Variants in IQGAP2 observed in about 807,000 individuals in gnomAD.
The protein encoded by IQGAP2 is IQ motif containing GTPase activating protein 2, also known as ras GTPase-activating-like protein IQGAP2.
IQGAP2 carries 173 observed loss-of-function variants against 201.3 expected under a neutral mutation model. The observed-to-expected ratio is 0.86, with a 90% CI of 0.76 to 0.98. IQGAP2 has a LOEUF of 0.98. Ranked by LOEUF, IQGAP2 falls within the 50% of genes least tolerant of loss-of-function variation. IQGAP2 has a pLI of 0.00. For missense variants in IQGAP2, 1,687 were observed against 1,864.8 expected (o/e 0.90, Z 1.76); for synonymous variants, 675 against 673.9 (o/e 1.00, Z -0.03).
intron 31 of IQGAP2, among the ~76,000 whole-genome samples, chr5:76,694,728 C>T (rs1264670785): frequency 6.6e-6 from 1 of 152,204 alleles, no homozygotes; most frequent in Non-Finnish European, 1.5e-5. Context: ...TCTAAGATTA[C>T]TGTCCCTAAC....
At chr5:76,516,802 A>G (rs544632214) in intron 2 of IQGAP2, among the ~76,000 whole-genome samples, 1 of 152,370 alleles carries the variant, frequency 6.6e-6, no homozygotes, top group East Asian at 1.9e-4. Flanking sequence ...CTTCACAGAG[A>G]AGAAAGGTAT....
chr5:76,680,171 G>A (rs1580803463), intron 28 of IQGAP2, among the ~76,000 whole-genome samples: 1 of 152,192 alleles, frequency 6.6e-6, no homozygotes, highest in Non-Finnish European at 1.5e-5. Flanking sequence ...GGATAGAATC[G>A]AGAGTCTAGA....
At chr5:76,690,355 C>T (rs1451390915) in intron 30 of IQGAP2, among the ~76,000 whole-genome samples, 3 of 152,160 alleles carry the variant, frequency 2.0e-5, no homozygotes, top group African/African-American at 7.2e-5. Context: ...CTTGGCATTT[C>T]TCTATAGGTT....
At chr5:76,584,759 GCGGATCTGCAGTGAATGACCAA>G (rs905848188) in intron 5 of IQGAP2, among the ~76,000 whole-genome samples, 12 of 152,250 alleles carry the variant, frequency 7.9e-5, no homozygotes, top group African/African-American at 2.9e-4. Context: ...CTCCTGACAT[GCGGATCTGCAGTGAATGACCAA>G]CAAACAGCAA....
chr5:76,532,758 C>G (rs900169578), intron 2 of IQGAP2, among the ~76,000 whole-genome samples: 1 of 152,160 alleles, frequency 6.6e-6, no homozygotes, highest in African/African-American at 2.4e-5. Context: ...AGGACCACTC[C>G]GTGCCCTTGG....
At chr5:76,655,067 C>A in intron 20 of IQGAP2, 64 bp downstream of exon 20, 2 of 1,145,184 alleles carry the variant, frequency 1.7e-6, no homozygotes, top group South Asian at 1.3e-5. Context: ...ACATATTGGT[C>A]CATATTGGTC....
intron 28 of IQGAP2, 29 bp from the exon 29 acceptor site, chr5:76,683,086 T>C (rs1161707554): frequency 1.4e-6 from 2 of 1,406,572 alleles, no homozygotes; most frequent in African/African-American, 1.4e-5. Context: ...TACTTTTTTC[T>C]TTGTGTGTGT....
chr5:76,583,246 A>G (rs759760869), intron 5 of IQGAP2, among the ~76,000 whole-genome samples: 14 of 152,166 alleles, frequency 9.2e-5, no homozygotes, highest in Non-Finnish European at 1.5e-4. Flanking sequence ...TTTGAATTTA[A>G]ATGCTTGGGA....
At chr5:76,413,986 T>C (rs1751277990) in intron 1 of IQGAP2, among the ~76,000 whole-genome samples, 1 of 152,200 alleles carries the variant, frequency 6.6e-6, no homozygotes, top group Non-Finnish European at 1.5e-5. Context: ...TCACCGCCTC[T>C]ACAAAGTTAA....
intron 1 of IQGAP2, among the ~76,000 whole-genome samples, chr5:76,425,188 G>C (rs1461294771): frequency 6.6e-6 from 1 of 152,202 alleles, no homozygotes; most frequent in Non-Finnish European, 1.5e-5. Context: ...TGCTAGCTCA[G>C]TTAAGTTGGG....
chr5:76,563,457 G>A (rs1397478146), intron 3 of IQGAP2, among the ~76,000 whole-genome samples: 1 of 152,098 alleles, frequency 6.6e-6, no homozygotes, highest in Non-Finnish European at 1.5e-5. Context: ...ATAAAAAGCT[G>A]GCCATGAGTT....
At chr5:76,620,456 C>T (rs376920545) in intron 13 of IQGAP2, among the ~76,000 whole-genome samples, 14 of 152,124 alleles carry the variant, frequency 9.2e-5, no homozygotes, top group East Asian at 1.9e-4. Flanking sequence ...GGAGAGGATG[C>T]CATTAACTGA....
At chr5:76,639,310 T>A in intron 16 of IQGAP2, among the ~76,000 whole-genome samples, 1 of 152,246 alleles carries the variant, frequency 6.6e-6, no homozygotes, top group Admixed American at 6.5e-5. Context: ...TAGTCTAGTA[T>A]GTTTTCCACT....
intron 17 of IQGAP2, among the ~76,000 whole-genome samples, chr5:76,643,874 C>T (rs975972660): frequency 2.0e-5 from 3 of 151,980 alleles, no homozygotes; most frequent in Admixed American, 6.6e-5. Context: ...CTGGGAGAGT[C>T]GGTCCTCAGT....
chr5:76,424,530 C>A (rs1158127362), intron 1 of IQGAP2, among the ~76,000 whole-genome samples: 1 of 152,192 alleles, frequency 6.6e-6, no homozygotes, highest in Non-Finnish European at 1.5e-5. Flanking sequence ...TGGTCTCGAA[C>A]TCCTAATCCA....
chr5:76,433,823 C>A (rs747539247), intron 1 of IQGAP2, among the ~76,000 whole-genome samples: 5 of 152,190 alleles, frequency 3.3e-5, no homozygotes, highest in Non-Finnish European at 5.9e-5. Flanking sequence ...TTCTTAACTT[C>A]AGTGTTTTCC....
At chr5:76,439,437 A>C (rs1752904708) in intron 1 of IQGAP2, among the ~76,000 whole-genome samples, 1 of 152,174 alleles carries the variant, frequency 6.6e-6, no homozygotes, top group African/African-American at 2.4e-5. Flanking sequence ...CTATCAGTGG[A>C]GTACTGAAGT....
intron 2 of IQGAP2, among the ~76,000 whole-genome samples, chr5:76,512,553 T>C (rs941827792): frequency 4.6e-5 from 7 of 152,240 alleles, no homozygotes; most frequent in African/African-American, 1.4e-4. Context: ...TGAAGTGTGA[T>C]ACTATCTATT....
intron 2 of IQGAP2, among the ~76,000 whole-genome samples, chr5:76,491,470 T>C (rs1196525248): frequency 2.0e-5 from 3 of 152,126 alleles, no homozygotes; most frequent in Non-Finnish European, 4.4e-5. Context: ...TTTTTATTAT[T>C]ATTTTTTATT....
Sources: gnomAD v4.1 joint callset for allele counts (sites outside exome capture counted in the v4.1 genomes callset) on GRCh38, gnomAD v4.1.1 for gene constraint, MANE v1.5 for transcripts, NCBI Gene and HGNC (gene_info 2026-07-23, HGNC 2026-07-21) for gene names.